DYNC2I2: variants seen among roughly 807,000 people sequenced by gnomAD.
DYNC2I2 encodes the protein cytoplasmic dynein 2 intermediate chain 2.
A neutral mutation model predicts 52.0 loss-of-function variants in DYNC2I2; 39 were observed. The ratio of observed to expected loss-of-function variants is 0.75; its 90% CI spans 0.58 to 0.98. The LOEUF is 0.98. Among genes scored for constraint, DYNC2I2 ranks in the 50% least tolerant of loss-of-function variants. DYNC2I2 has a pLI of 0.00. For missense variants in DYNC2I2, 743 were observed against 728.4 expected (o/e 1.02, Z -0.23); for synonymous variants, 359 against 321.1 (o/e 1.12, Z -1.26).
upstream of DYNC2I2, among the ~76,000 whole-genome samples, chr9:128,660,724 T>TTTTA (rs952753550): frequency 6.6e-6 from 1 of 151,596 alleles, no homozygotes; most frequent in Admixed American, 6.6e-5. Context: ...TATTTTTATT[T>TTTTA]TTTATTTATT....
At chr9:128,662,763 C>T in the DYNC2I2 span, among the ~76,000 whole-genome samples, 4,361 of 152,182 alleles carry the variant, frequency 0.029, 230 homozygotes, top group African/African-American at 0.1. Context: ...TAGGTTTCAC[C>T]ATGTTAGCCA....
rs1344384758 is a variant in DYNC2I2 at position 128,634,804 on chromosome 9, C to T, written c.1099G>A (p.Gly367Arg). The T allele has an allele frequency of 6.2e-7, 1 of 1,612,878 alleles. No individual in the cohort carries two copies. Among genetic ancestry groups the T allele is most frequent in the Admixed American group, 1.7e-5 (1 of 59,924 alleles). Residue 367 changes from glycine to arginine, a missense_variant, in exon 7 of 9, where the codon GGA (glycine) becomes AGA (arginine). Physicochemically the swap from Gly to Arg is moderately radical, Grantham distance 125 (BLOSUM62 -2). Coordinates refer to ENST00000372715, the MANE Select transcript of DYNC2I2 (RefSeq NM_052844.4). ...GGCATCCGCGTGAGGGCTGCCTCTC[C>T]AGCTGCCAGGGAACACTTGAGCGGG... is the stretch of plus-strand genomic sequence containing the variant. Reference protein sequence around the residue: ...GFPLKCSLAAGEAALTRMPSS... With the variant: ...GFPLKCSLAAREAALTRMPSS...
chr9:128,671,203 G>T, the DYNC2I2 span, among the ~76,000 whole-genome samples: 4 of 151,880 alleles, frequency 2.6e-5, no homozygotes, highest in African/African-American at 7.3e-5. Flanking sequence ...AGAGGCTGAG[G>T]TGGGAGGGTC....
intron 1 of DYNC2I2, among the ~76,000 whole-genome samples, chr9:128,647,969 C>T (rs949773946): frequency 6.6e-6 from 1 of 152,026 alleles, no homozygotes; most frequent in Non-Finnish European, 1.5e-5. Context: ...AGCACTCCTG[C>T]CTCTCAGAGG....
upstream of DYNC2I2, among the ~76,000 whole-genome samples, chr9:128,661,157 C>T (rs1353837259): frequency 6.6e-6 from 1 of 151,144 alleles, no homozygotes; most frequent in East Asian, 2.0e-4. Context: ...GCCTGATGAA[C>T]ATGGTGAAAC....
At chr9:128,671,744 T>C in the DYNC2I2 span, among the ~76,000 whole-genome samples, 1 of 150,738 alleles carries the variant, frequency 6.6e-6, no homozygotes, top group South Asian at 2.1e-4. Flanking sequence ...CTCTGCCTCC[T>C]GGGTTCAAGC....
chr9:128,650,526 C>CATATATATATAT lies in DYNC2I2; in HGVS notation c.186+6003_186+6014dup, dbSNP rs57194999. Among the ~76,000 whole-genome samples, 50 of 41,472 alleles carry CATATATATATAT rather than the reference C, an allele frequency of 1.2e-3. 8 individuals are homozygous for CATATATATATAT. Among genetic ancestry groups the CATATATATATAT allele is most frequent in the African/African-American group, 2.6e-3 (48 of 18,630 alleles). 27.2% of individuals were successfully genotyped at this position (41,472 alleles called of 152,430 possible). A position where few individuals can be genotyped will look rare whatever the true frequency, so the allele number is the denominator to read the frequency against. ...AGAAAAGTCAAGTCAGGCCAAAGAC[C>CATATATATATAT]ATATATATATATATATATATATGCC... On this transcript the variant is annotated intron_variant, in intron 1 of 8. Transcript: ENST00000372715.
In DYNC2I2 at chr9:128,646,801, G is replaced by A. The variant is rs529675238; in HGVS notation, c.187-5862C>T. Among the ~76,000 whole-genome samples the A allele has an allele frequency of 1.6e-4, 25 of 152,128 alleles. No homozygotes were observed. The South Asian group carries it at 2.3e-3, about 14-fold the overall frequency. On this transcript the variant is annotated intron_variant, in intron 1 of 8. Transcript: ENST00000372715. ...ACTTTGTGACCAGCCTAGGCAACAT[G>A]GGGAAACCCAGTCTCTACAAAAGAT...
intron 7 of DYNC2I2, 101 bp from the exon 8 acceptor site, chr9:128,634,484 G>A: frequency 6.9e-7 from 1 of 1,453,592 alleles, no homozygotes; most frequent in East Asian, 2.3e-5. Context: ...GGCTCGTGAA[G>A]AGCCTCCCGG....
intron 7 of DYNC2I2, 109 bp downstream of exon 7, chr9:128,634,580 T>C: frequency 7.6e-7 from 1 of 1,318,662 alleles, no homozygotes. Context: ...GGTCTCAGAG[T>C]GGGCAGAAGG....
chr9:128,636,395 C>T lies in DYNC2I2; in HGVS notation c.589G>A (p.Ala197Thr). The stretch of plus-strand genomic sequence containing the variant: ...AGGTCTCGCCGGTCCAGGTTCCAGG[C>T]ACACACGAAGGACTTAAGCGTGCTC... ...DWSTLKSFVC[A>T]WNLDRRDLRP... Residue 197 changes from alanine (A) to threonine (T), a missense_variant, in exon 4 of 9, where the codon GCC becomes ACC. By Grantham distance (58) the Ala-to-Thr change is moderately conservative. Coordinates refer to ENST00000372715, the MANE Select transcript of DYNC2I2 (RefSeq NM_052844.4). 2 of 1,610,718 alleles carry T rather than the reference C, an allele frequency of 1.2e-6. No individual in the cohort carries two copies. Among genetic ancestry groups the T allele is most frequent in the Non-Finnish European group, 8.5e-7 (1 of 1,179,088 alleles).
intron 2 of DYNC2I2, among the ~76,000 whole-genome samples, chr9:128,639,513 C>G (rs977744406): frequency 3.3e-5 from 5 of 152,172 alleles, no homozygotes; most frequent in African/African-American, 1.2e-4. Context: ...ACTTGGAGGG[C>G]AGATGACCCA....
chr9:128,649,595 G>A (rs1364430308), intron 1 of DYNC2I2, among the ~76,000 whole-genome samples: 2 of 150,154 alleles, frequency 1.3e-5, no homozygotes, highest in Non-Finnish European at 2.9e-5. Context: ...AGGCTAAGGT[G>A]GGAGAACTGC....
the DYNC2I2 span, chr9:128,684,058 T>G: frequency 7.1e-7 from 1 of 1,413,292 alleles, no homozygotes; most frequent in African/African-American, 1.4e-5. Flanking sequence ...TTGCAAGGAT[T>G]GACTCTCTGA....
chr9:128,645,080 G>A (rs1457590692), intron 1 of DYNC2I2, among the ~76,000 whole-genome samples: 1 of 152,120 alleles, frequency 6.6e-6, no homozygotes, highest in Non-Finnish European at 1.5e-5. Context: ...GCCAGGCGCA[G>A]TGGCTCATGC....
chr9:128,638,546 A>T (rs533588861), intron 2 of DYNC2I2, among the ~76,000 whole-genome samples: 2 of 152,254 alleles, frequency 1.3e-5, no homozygotes, highest in South Asian at 4.1e-4. Flanking sequence ...GTAAAAAAAT[A>T]AAAAAGAAAC....
At chr9:128,664,202 T>C in the DYNC2I2 span, among the ~76,000 whole-genome samples, 1 of 152,110 alleles carries the variant, frequency 6.6e-6, no homozygotes, top group African/African-American at 2.4e-5. Flanking sequence ...CCTCAGGTGA[T>C]CAGCCTTCCA....
At chr9:128,647,020 G>T (rs1860628516) in intron 1 of DYNC2I2, among the ~76,000 whole-genome samples, 1 of 152,154 alleles carries the variant, frequency 6.6e-6, no homozygotes, top group Non-Finnish European at 1.5e-5. Context: ...AGCTACTTGG[G>T]AGGCAGAGGC....
chr9:128,660,502 G>C (rs1275322030), upstream of DYNC2I2, among the ~76,000 whole-genome samples: 2 of 151,720 alleles, frequency 1.3e-5, no homozygotes, highest in Non-Finnish European at 2.9e-5. Flanking sequence ...GCTGCCTCCC[G>C]GGTTCAAGCG....
Sources: gnomAD v4.1 joint callset for allele counts (sites outside exome capture counted in the v4.1 genomes callset) on GRCh38, gnomAD v4.1.1 for gene constraint, MANE v1.5 for transcripts, NCBI Gene and HGNC (gene_info 2026-07-23, HGNC 2026-07-21) for gene names.